Variants in ARHGAP10 observed in about 807,000 individuals in gnomAD.
ARHGAP10 encodes rho GTPase-activating protein 10.
ARHGAP10 carries 87 observed loss-of-function variants against 108.6 expected under a neutral mutation model. That is an observed-to-expected ratio of 0.80 (90% CI 0.67 to 0.96). ARHGAP10 has a LOEUF of 0.96. ARHGAP10 is among the 40% of genes least tolerant of loss of function. The probability of loss-of-function intolerance (pLI) is 0.00; values close to 1 mark genes in which losing one functional copy is unlikely to be tolerated. For missense variants in ARHGAP10, 939 were observed against 954.5 expected, an observed-to-expected ratio of 0.98 and a Z score of 0.21; for synonymous variants, 347 against 341.1, an observed-to-expected ratio of 1.02 and a Z score of -0.19.
intron 4 of ARHGAP10, among the ~76,000 whole-genome samples, chr4:147,852,348 T>C (rs1733904768): frequency 6.6e-6 from 1 of 152,232 alleles, no homozygotes; most frequent in Non-Finnish European, 1.5e-5. Flanking sequence ...ACTTGTGCTC[T>C]GACAGGTGTC....
intron 10 of ARHGAP10, among the ~76,000 whole-genome samples, chr4:147,894,526 T>C (rs987263363): frequency 1.4e-4 from 21 of 152,228 alleles, no homozygotes; most frequent in African/African-American, 4.8e-4. Context: ...CAGTGTCTTT[T>C]GATGAGAAGA....
intron 14 of ARHGAP10, among the ~76,000 whole-genome samples, chr4:147,940,669 A>G (rs1738135293): frequency 6.6e-6 from 1 of 152,124 alleles, no homozygotes; most frequent in African/African-American, 2.4e-5. Context: ...CCTTACTTTA[A>G]TTAATCAATA....
chr4:147,942,427 T>G (rs1047923563), intron 14 of ARHGAP10, among the ~76,000 whole-genome samples: 2 of 152,222 alleles, frequency 1.3e-5, no homozygotes, highest in Non-Finnish European at 2.9e-5. Context: ...TTAAGTCTTA[T>G]TTAAATACTC....
At chr4:147,784,582 A>T (rs1258907372) in intron 1 of ARHGAP10, among the ~76,000 whole-genome samples, 1 of 114,442 alleles carries the variant, frequency 8.7e-6, no homozygotes, top group African/African-American at 3.7e-5. Context: ...TATAAAATAT[A>T]TATTATAAAT....
chr4:147,826,719 C>G (rs1388429893), intron 3 of ARHGAP10, among the ~76,000 whole-genome samples: 3 of 152,182 alleles, frequency 2.0e-5, no homozygotes, highest in Non-Finnish European at 4.4e-5. Flanking sequence ...ATTATTTTGA[C>G]AGAAAGCCCA....
intron 1 of ARHGAP10, among the ~76,000 whole-genome samples, chr4:147,733,680 C>A (rs1190684541): frequency 1.3e-5 from 2 of 152,172 alleles, no homozygotes; most frequent in Non-Finnish European, 2.9e-5. Context: ...GTCTCGGGCA[C>A]CCAGCATGGT....
At chr4:147,753,587 C>T (rs1729252767) in intron 1 of ARHGAP10, among the ~76,000 whole-genome samples, 1 of 151,550 alleles carries the variant, frequency 6.6e-6, no homozygotes, top group Non-Finnish European at 1.5e-5. Context: ...CTCCTGACCT[C>T]AGGTGATCTG....
chr4:147,751,599 C>T (rs1729152822), intron 1 of ARHGAP10, among the ~76,000 whole-genome samples: 1 of 151,980 alleles, frequency 6.6e-6, no homozygotes, highest in South Asian at 2.1e-4. Flanking sequence ...CTCCTGGCCT[C>T]AAGTGATGTG....
chr4:147,939,415 A>G (rs1447946660), intron 13 of ARHGAP10, among the ~76,000 whole-genome samples: 5 of 152,236 alleles, frequency 3.3e-5, no homozygotes, highest in African/African-American at 9.6e-5. Context: ...GAAATCATCC[A>G]AACAATGATT....
chr4:147,985,630 GA>G (rs939801865), intron 18 of ARHGAP10, among the ~76,000 whole-genome samples: 1 of 152,186 alleles, frequency 6.6e-6, no homozygotes, highest in African/African-American at 2.4e-5. Context: ...TGCAATATTT[GA>G]TCCAAGACTA....
Position 147,881,850 on chromosome 4 carries a change from G to A in ARHGAP10, c.952G>A (p.Val318Met). Residue 318 changes from valine (V) to methionine (M), a missense_variant, in exon 10 of 23, where the codon GTG becomes ATG. Physicochemically the swap from Val to Met is conservative, Grantham distance 21. Transcript: ENST00000336498. ...TGATTATTTGCAGGGGGACGGAGAGGTGTTCTTTTTGAAAGAATGTACCAA... is the reference window on the plus strand; with the variant it reads ...TGATTATTTGCAGGGGGACGGAGAGATGTTCTTTTTGAAAGAATGTACCAA... ...RSGGKLGDGE[V>M]FFLKECTKRH... is the part of the protein sequence containing the mutation. 1 of 1,613,976 alleles carries A rather than the reference G, an allele frequency of 6.2e-7. No homozygotes were observed. The highest frequency in any genetic ancestry group is 1.1e-5 in the South Asian group (1 of 91,046).
intron 6 of ARHGAP10, chr4:147,865,168 G>A (rs533738686): frequency 2.2e-6 from 1 of 446,966 alleles, no homozygotes; most frequent in Non-Finnish European, 4.0e-6. Flanking sequence ...GATAATACAC[G>A]TAATATTCCC....
At chr4:147,962,506 C>T (rs1245177523) in intron 16 of ARHGAP10, among the ~76,000 whole-genome samples, 1 of 152,090 alleles carries the variant, frequency 6.6e-6, no homozygotes, top group African/African-American at 2.4e-5. Flanking sequence ...TGTTCAAGAC[C>T]ACTCAGCTAT....
intron 19 of ARHGAP10, among the ~76,000 whole-genome samples, chr4:148,042,574 C>T (rs1216370601): frequency 6.6e-6 from 1 of 152,210 alleles, no homozygotes; most frequent in Non-Finnish European, 1.5e-5. Context: ...TGTTGCTGCA[C>T]TCCCACCTGT....
At chr4:147,834,797 C>G (rs975980862) in intron 3 of ARHGAP10, among the ~76,000 whole-genome samples, 2 of 143,742 alleles carry the variant, frequency 1.4e-5, no homozygotes, top group African/African-American at 5.1e-5. Flanking sequence ...GCTTTCCTTC[C>G]CTGTCTCCTT....
intron 3 of ARHGAP10, among the ~76,000 whole-genome samples, chr4:147,840,696 G>A (rs915120442): frequency 3.3e-5 from 5 of 152,076 alleles, no homozygotes; most frequent in South Asian, 2.1e-4. Flanking sequence ...ACCTGTTCTC[G>A]AGACATCTTG....
chr4:148,070,867 C>T (rs926898386), intron 22 of ARHGAP10, among the ~76,000 whole-genome samples: 1 of 152,180 alleles, frequency 6.6e-6, no homozygotes, highest in African/African-American at 2.4e-5. Flanking sequence ...GGGGCCTGCT[C>T]ACAGCTGGGG....
intron 19 of ARHGAP10, among the ~76,000 whole-genome samples, chr4:148,025,031 G>A (rs1042254720): frequency 6.6e-6 from 1 of 152,180 alleles, no homozygotes; most frequent in African/African-American, 2.4e-5. Flanking sequence ...GATGTTCTTA[G>A]CAATGGAATC....
At chr4:147,922,859 G>T (rs1414529783) in intron 13 of ARHGAP10, among the ~76,000 whole-genome samples, 1 of 152,038 alleles carries the variant, frequency 6.6e-6, no homozygotes, top group Admixed American at 6.5e-5. Flanking sequence ...GCCTCATTTG[G>T]CAGTTATATT....
Sources: allele counts gnomAD v4.1 joint callset (sites outside exome capture counted in the v4.1 genomes callset), GRCh38; gene constraint gnomAD v4.1.1; transcripts MANE v1.5; gene names NCBI Gene and HGNC (gene_info 2026-07-23, HGNC 2026-07-21).